The following CFAP299 variants were observed in gnomAD, a reference collection of about 807,000 sequenced individuals.
CFAP299 encodes the protein cilia- and flagella-associated protein 299.
Under a neutral mutation model 27.0 loss-of-function variants are expected in CFAP299, and 21 were observed. The observed-to-expected ratio is 0.78, with a 90% CI of 0.55 to 1.12. The LOEUF (loss-of-function observed/expected upper bound fraction) is 1.12. CFAP299 is among the 50% of genes most tolerant of loss of function. The pLI is 0.00. For missense variants in CFAP299, 310 were observed against 276.6 expected (o/e 1.12, Z -0.86); for synonymous variants, 104 against 98.1 (o/e 1.06, Z -0.36).
chr4:80,840,444 A>G (rs1321269649), intron 3 of CFAP299, among the ~76,000 whole-genome samples: 1 of 152,140 alleles, frequency 6.6e-6, no homozygotes, highest in Non-Finnish European at 1.5e-5. Context: ...TGGCTTAGTT[A>G]TCATGGTTAA....
chr4:80,899,909 G>A (rs141191094), intron 4 of CFAP299, among the ~76,000 whole-genome samples: 47 of 152,250 alleles, frequency 3.1e-4, no homozygotes, highest in African/African-American at 1.1e-3. Flanking sequence ...AAATGTTTAA[G>A]AAGAGATGAA....
chr4:80,826,285 A>G (rs1289331734), intron 3 of CFAP299, among the ~76,000 whole-genome samples: 3 of 151,784 alleles, frequency 2.0e-5, no homozygotes, highest in African/African-American at 4.8e-5. Context: ...AAAACAGAAG[A>G]CAGTAATGCA....
At chr4:80,835,344 C>T (rs772277392) in intron 3 of CFAP299, among the ~76,000 whole-genome samples, 6 of 151,966 alleles carry the variant, frequency 3.9e-5, no homozygotes, top group Non-Finnish European at 5.9e-5. Context: ...CTGATCCGCC[C>T]GCCTCGGCCT....
At chr4:80,702,736 C>T (rs887331647) in intron 3 of CFAP299, among the ~76,000 whole-genome samples, 5 of 151,808 alleles carry the variant, frequency 3.3e-5, no homozygotes, top group Non-Finnish European at 5.9e-5. Context: ...ATAAAGTTAG[C>T]TTATATTAAG....
intron 2 of CFAP299, among the ~76,000 whole-genome samples, chr4:80,446,204 G>C (rs1310878618): frequency 6.6e-6 from 1 of 152,210 alleles, no homozygotes; most frequent in Non-Finnish European, 1.5e-5. Context: ...ACCACCTGTG[G>C]AACTCTGCAG....
chr4:80,388,199 T>A, intron 2 of CFAP299: 1 of 694,098 alleles, frequency 1.4e-6, no homozygotes, highest in Admixed American at 1.9e-5. Context: ...CTAGGTGAGG[T>A]GGCTGGGCAC....
chr4:80,800,472 A>C (rs374360456), intron 3 of CFAP299, among the ~76,000 whole-genome samples: 2 of 7,866 alleles, frequency 2.5e-4, no homozygotes, highest in East Asian at 0.014. Context: ...TATAATATAT[A>C]ATATATTATA....
intron 2 of CFAP299, among the ~76,000 whole-genome samples, chr4:80,518,637 A>G (rs138385997): frequency 4.8e-4 from 73 of 152,276 alleles, no homozygotes; most frequent in Middle Eastern, 3.4e-3. Context: ...ACAGAAGAGT[A>G]TGGAAATACA....
At chr4:80,874,477 C>T (rs1020535205) in intron 4 of CFAP299, among the ~76,000 whole-genome samples, 3 of 152,078 alleles carry the variant, frequency 2.0e-5, no homozygotes, top group African/African-American at 7.2e-5. Flanking sequence ...AACAAAATAC[C>T]ACAGACTGTG....
At chr4:80,339,228 A>T (rs1390511934) in intron 1 of CFAP299, among the ~76,000 whole-genome samples, 1 of 152,180 alleles carries the variant, frequency 6.6e-6, no homozygotes, top group African/African-American at 2.4e-5. Flanking sequence ...AATGGTGTTA[A>T]TGGCTTCCCA....
At chr4:80,439,662 C>T (rs1236744355) in intron 2 of CFAP299, among the ~76,000 whole-genome samples, 1 of 152,068 alleles carries the variant, frequency 6.6e-6, no homozygotes, top group Non-Finnish European at 1.5e-5. Context: ...TTTTTCGTAC[C>T]CCAGTGGTGC....
intron 1 of CFAP299, among the ~76,000 whole-genome samples, chr4:80,336,256 C>T (rs1454184093): frequency 1.3e-5 from 2 of 152,292 alleles, no homozygotes; most frequent in African/African-American, 2.4e-5. Flanking sequence ...AGGACAGACA[C>T]CTGTTTCTCT....
At chr4:80,596,434 C>T (rs1182341903) in intron 3 of CFAP299, among the ~76,000 whole-genome samples, 1 of 152,156 alleles carries the variant, frequency 6.6e-6, no homozygotes, top group Non-Finnish European at 1.5e-5. Flanking sequence ...TGCTGCCCCA[C>T]TGTGATTTTT....
intron 3 of CFAP299, among the ~76,000 whole-genome samples, chr4:80,830,742 C>A (rs1372217411): frequency 1.3e-5 from 2 of 151,818 alleles, no homozygotes; most frequent in Admixed American, 6.6e-5. Context: ...TCCAGGTAGG[C>A]AAGAGTTGAT....
At chr4:80,531,998 C>T (rs968173377) in intron 2 of CFAP299, among the ~76,000 whole-genome samples, 16 of 152,018 alleles carry the variant, frequency 1.1e-4, no homozygotes, top group African/African-American at 3.6e-4. Context: ...TCAGGTGATC[C>T]GCCTGCCTCA....
intron 2 of CFAP299, among the ~76,000 whole-genome samples, chr4:80,508,596 T>C (rs1732143972): frequency 6.6e-6 from 1 of 152,152 alleles, no homozygotes; most frequent in Admixed American, 6.5e-5. Flanking sequence ...TCTTGATTTG[T>C]TGCCCAGGCT....
chr4:80,406,933 G>A (rs1221076790), intron 2 of CFAP299, among the ~76,000 whole-genome samples: 1 of 151,960 alleles, frequency 6.6e-6, no homozygotes, highest in African/African-American at 2.4e-5. Context: ...TTAGTGGTAG[G>A]GCGCTGTATG....
chr4:80,774,624 A>G, intron 3 of CFAP299, among the ~76,000 whole-genome samples: 1 of 152,080 alleles, frequency 6.6e-6, no homozygotes, highest in Admixed American at 6.6e-5. Flanking sequence ...CCACAAAATA[A>G]TATAAATATA....
At chr4:80,447,513 A>G (rs1429103659) in intron 2 of CFAP299, among the ~76,000 whole-genome samples, 1 of 151,276 alleles carries the variant, frequency 6.6e-6, no homozygotes, top group Non-Finnish European at 1.5e-5. Context: ...GCTCACTGCA[A>G]CCTCCGCCTC....
Sources: gnomAD v4.1 joint callset for allele counts (sites outside exome capture counted in the v4.1 genomes callset) on GRCh38, gnomAD v4.1.1 for gene constraint, MANE v1.5 for transcripts, NCBI Gene and HGNC (gene_info 2026-07-23, HGNC 2026-07-21) for gene names.